The following LIPC variants were observed in gnomAD, a reference collection of about 807,000 sequenced individuals.
LIPC encodes hepatic triacylglycerol lipase.
LIPC carries 44 observed loss-of-function variants against 50.7 expected under a neutral mutation model. The ratio of observed to expected loss-of-function variants is 0.87; its 90% CI spans 0.68 to 1.11. The LOEUF (loss-of-function observed/expected upper bound fraction) is 1.11. LIPC is among the 50% of genes most tolerant of loss of function. LIPC has a pLI of 0.00. For missense variants in LIPC, 697 were observed against 648.2 expected, an observed-to-expected ratio of 1.08 and a Z score of -0.82; for synonymous variants, 271 against 256.4, an observed-to-expected ratio of 1.06 and a Z score of -0.54.
chr15:58,565,748 C>A, intron 8 of LIPC: 1 of 991,312 alleles, frequency 1.0e-6, no homozygotes, highest in African/African-American at 1.7e-5. Context: ...TCAGTCTAAT[C>A]TAGCAGAGTT....
chr15:58,561,002 C>T (rs1430846267), intron 7 of LIPC, 21 bp downstream of exon 7: 1 of 998,236 alleles, frequency 1.0e-6, no homozygotes, highest in Non-Finnish European at 1.5e-6. Flanking sequence ...GGTGTAGCCC[C>T]CTAGGGTGAT....
chr15:58,503,639 G>C (rs139827587), intron 1 of LIPC, among the ~76,000 whole-genome samples: 2 of 152,238 alleles, frequency 1.3e-5, no homozygotes, highest in Admixed American at 6.5e-5. Context: ...GGAATGTGAA[G>C]GGCAGGGTTC....
intron 8 of LIPC, chr15:58,563,967 C>A (rs1296900238): frequency 7.7e-6 from 4 of 518,016 alleles, no homozygotes; most frequent in African/African-American, 5.7e-5. Context: ...GTGGCTAACG[C>A]TGCCTGCCTC....
chr15:58,493,685 A>T lies in LIPC; in HGVS notation c.89-44648A>T, dbSNP rs1405886897. 3.4e-5 allele frequency among the ~76,000 whole-genome samples: 5 copies of T among 148,064 alleles called. No individual in the cohort carries two copies. In the East Asian group the frequency reaches 7.8e-4, roughly 23 times the overall value. ...AATTTATACAAAATTTATTACGTAT[A>T]AATAAAATTTATACAAAATTTTGTA... On this transcript the variant is annotated intron_variant, in intron 1 of 8. Transcript: ENST00000299022.
chr15:58,507,175 G>A (rs1359497519), intron 1 of LIPC, among the ~76,000 whole-genome samples: 18 of 152,156 alleles, frequency 1.2e-4, no homozygotes, highest in African/African-American at 4.1e-4. Context: ...TAGGAGTGGG[G>A]AAACCAGGAG....
At chr15:58,463,238 G>A (rs188149701) in intron 1 of LIPC, among the ~76,000 whole-genome samples, 30 of 152,340 alleles carry the variant, frequency 2.0e-4, no homozygotes, top group Admixed American at 1.8e-3. Context: ...GAACTTATGT[G>A]TCATTCACTC....
intron 1 of LIPC, among the ~76,000 whole-genome samples, chr15:58,463,202 C>A (rs1179330885): frequency 6.6e-6 from 1 of 152,246 alleles, no homozygotes; most frequent in African/African-American, 2.4e-5. Flanking sequence ...CTGTTCTCAT[C>A]TTCCATGGAC....
intron 1 of LIPC, among the ~76,000 whole-genome samples, chr15:58,501,840 G>T (rs912803516): frequency 6.6e-6 from 1 of 152,088 alleles, no homozygotes; most frequent in East Asian, 1.9e-4. Flanking sequence ...ATGCTATCTT[G>T]GAGCCTCTGC....
intron 1 of LIPC, among the ~76,000 whole-genome samples, chr15:58,529,046 T>C (rs1272748593): frequency 2.0e-5 from 3 of 152,222 alleles, no homozygotes; most frequent in African/African-American, 7.2e-5. Context: ...CACCCCTCCT[T>C]CTATTCCTTG....
intron 1 of LIPC, among the ~76,000 whole-genome samples, chr15:58,502,509 CTTT>C (rs11332551): frequency 6.9e-5 from 10 of 144,546 alleles, no homozygotes; most frequent in Admixed American, 5.5e-4. Context: ...GTAATTTTCT[CTTT>C]TTTTTTTTTT....
At chr15:58,490,758 G>A (rs1354675319) in intron 1 of LIPC, among the ~76,000 whole-genome samples, 1 of 152,170 alleles carries the variant, frequency 6.6e-6, no homozygotes. Context: ...TCTCCCAGGC[G>A]ACACGGAAAG....
intron 6 of LIPC, among the ~76,000 whole-genome samples, chr15:58,550,926 T>G (rs1006603549): frequency 7.3e-6 from 1 of 137,814 alleles, no homozygotes; most frequent in South Asian, 2.4e-4. Flanking sequence ...AACCTCCACC[T>G]GCAGGGTTCA....
At chr15:58,448,068 A>G (rs1893765477) in intron 1 of LIPC, among the ~76,000 whole-genome samples, 1 of 152,174 alleles carries the variant, frequency 6.6e-6, no homozygotes, top group Admixed American at 6.5e-5. Context: ...GGTAATGTGT[A>G]TTCCTGCTGA....
At chr15:58,529,003 C>T (rs1892870848) in intron 1 of LIPC, among the ~76,000 whole-genome samples, 1 of 152,158 alleles carries the variant, frequency 6.6e-6, no homozygotes, top group Non-Finnish European at 1.5e-5. Flanking sequence ...ATTCCTAGAT[C>T]CCTTGACTGT....
intron 1 of LIPC, among the ~76,000 whole-genome samples, chr15:58,496,887 G>A (rs1353510734): frequency 6.6e-6 from 1 of 152,086 alleles, no homozygotes. Flanking sequence ...GTTTCACTAT[G>A]TTGGCCAGGC....
At chr15:58,506,836 C>T (rs796140593) in intron 1 of LIPC, among the ~76,000 whole-genome samples, 9 of 152,220 alleles carry the variant, frequency 5.9e-5, no homozygotes, top group African/African-American at 1.7e-4. Context: ...GAGAAATACC[C>T]GAGACTAGGA....
At chr15:58,519,315 G>A (rs1229444495) in intron 1 of LIPC, among the ~76,000 whole-genome samples, 4 of 151,652 alleles carry the variant, frequency 2.6e-5, no homozygotes, top group African/African-American at 9.7e-5. Context: ...GGAGGCCAAA[G>A]CAGGAGAATG....
intron 1 of LIPC, among the ~76,000 whole-genome samples, chr15:58,491,850 G>A (rs1255044743): frequency 6.6e-6 from 1 of 152,208 alleles, no homozygotes; most frequent in African/African-American, 2.4e-5. Context: ...AGCTCAGGGT[G>A]CCAGAAACAC....
intron 1 of LIPC, among the ~76,000 whole-genome samples, chr15:58,458,128 T>C (rs1164002407): frequency 4.0e-5 from 6 of 151,522 alleles, no homozygotes; most frequent in Non-Finnish European, 7.4e-5. Context: ...CATAAGCACC[T>C]GTTTCCGTTT....
Sources: allele counts gnomAD v4.1 joint callset (sites outside exome capture counted in the v4.1 genomes callset), GRCh38; gene constraint gnomAD v4.1.1; transcripts MANE v1.5; gene names NCBI Gene and HGNC (gene_info 2026-07-23, HGNC 2026-07-21).